FAF1: variants seen among roughly 807,000 people sequenced by gnomAD.
FAF1 encodes Fas associated factor 1, also known as FAS-associated factor 1.
In FAF1, 25 loss-of-function variants were observed where a neutral mutation model predicts 92.5. The ratio of observed to expected loss-of-function variants is 0.27; its 90% confidence interval spans 0.20 to 0.38. The LOEUF (loss-of-function observed/expected upper bound fraction) is 0.38, where lower values mean the gene tolerates loss of function less well. Ranked by LOEUF, FAF1 falls within the 10% of genes least tolerant of loss-of-function variation. The probability of loss-of-function intolerance (pLI) is 1.00; values close to 1 mark genes in which losing one functional copy is unlikely to be tolerated. For missense variants in FAF1, 636 were observed against 793.3 expected (o/e 0.80, Z 2.38); for synonymous variants, 234 against 273.2 (o/e 0.86, Z 1.42).
chr1:50,864,831 T>C (rs1057180241), intron 1 of FAF1, among the ~76,000 whole-genome samples: 10 of 152,022 alleles, frequency 6.6e-5, no homozygotes, highest in Admixed American at 1.3e-4. Flanking sequence ...AAAGCCAAAA[T>C]TGACAAATGG....
At chr1:50,888,792 T>G (rs539738418) in intron 1 of FAF1, among the ~76,000 whole-genome samples, 1 of 152,188 alleles carries the variant, frequency 6.6e-6, no homozygotes, top group African/African-American at 2.4e-5. Context: ...ATTTTTGCAT[T>G]GATGTTCATC....
At chr1:50,868,409 A>G (rs1207799178) in intron 1 of FAF1, among the ~76,000 whole-genome samples, 1 of 152,100 alleles carries the variant, frequency 6.6e-6, no homozygotes, top group Non-Finnish European at 1.5e-5. Context: ...TTTTTATTTC[A>G]CTCATTTCTG....
chr1:50,952,196 G>C (rs1490906565), intron 1 of FAF1, among the ~76,000 whole-genome samples: 3 of 152,154 alleles, frequency 2.0e-5, no homozygotes, highest in African/African-American at 4.8e-5. Context: ...TCGGCTCACT[G>C]CAACCTCCCT....
rs369356394 is a variant in FAF1 at position 50,522,101 on chromosome 1, C to T, written c.1494+13268G>A. Among the ~76,000 whole-genome samples the T allele has an allele frequency of 2.5e-4, 38 of 152,206 alleles. No individual in the cohort carries two copies. In the South Asian group the frequency reaches 4.8e-3, roughly 19 times the overall value. On this transcript the variant is annotated intron_variant, in intron 15 of 18. Transcript: ENST00000396153. ...TATTCCATGCACAAAAGTAGAAGTA[C>T]GCAATTAAGAGAAACTTTCTTATTC...
intron 8 of FAF1, among the ~76,000 whole-genome samples, chr1:50,636,646 G>T (rs535471040): frequency 2.0e-5 from 3 of 151,906 alleles, no homozygotes; most frequent in African/African-American, 7.3e-5. Flanking sequence ...GTGAGCCACC[G>T]CGCCTGGCCT....
intron 18 of FAF1, among the ~76,000 whole-genome samples, chr1:50,442,152 G>A (rs578218699): frequency 6.6e-6 from 1 of 152,240 alleles, no homozygotes; most frequent in South Asian, 2.1e-4. Context: ...TCTTGGCTGA[G>A]TGGGATACGT....
chr1:50,731,590 G>A (rs771479038), intron 6 of FAF1, among the ~76,000 whole-genome samples: 6 of 151,924 alleles, frequency 3.9e-5, no homozygotes, highest in East Asian at 2.0e-4. Context: ...GGATGGTCTC[G>A]ATCTCCTGAC....
At chr1:50,955,017 G>A (rs757183956) in intron 1 of FAF1, among the ~76,000 whole-genome samples, 17 of 152,128 alleles carry the variant, frequency 1.1e-4, no homozygotes, top group South Asian at 2.1e-4. Context: ...AAAGAAAGAG[G>A]TTAAGGAGGA....
chr1:50,543,836 T>C (rs1648872270), intron 13 of FAF1, among the ~76,000 whole-genome samples: 1 of 152,172 alleles, frequency 6.6e-6, no homozygotes, highest in African/African-American at 2.4e-5. Flanking sequence ...GATGCTGCAT[T>C]TGTACAATAC....
chr1:50,588,376 T>C (rs1046068887), intron 9 of FAF1, among the ~76,000 whole-genome samples: 2 of 152,232 alleles, frequency 1.3e-5, no homozygotes, highest in Admixed American at 6.5e-5. Flanking sequence ...CTAGAGTTTA[T>C]TGGTTCCTTT....
intron 8 of FAF1, among the ~76,000 whole-genome samples, chr1:50,598,111 T>A (rs1651915732): frequency 6.6e-6 from 1 of 152,046 alleles, no homozygotes; most frequent in South Asian, 2.1e-4. Context: ...TTGGGCAACA[T>A]AGTGAGATCT....
At chr1:50,795,492 C>T (rs1661716278) in intron 3 of FAF1, among the ~76,000 whole-genome samples, 1 of 152,164 alleles carries the variant, frequency 6.6e-6, no homozygotes, top group Non-Finnish European at 1.5e-5. Context: ...CTTGGCAGAA[C>T]AACAGAATGA....
intron 8 of FAF1, among the ~76,000 whole-genome samples, chr1:50,643,377 T>C (rs887983944): frequency 2.0e-5 from 3 of 152,108 alleles, no homozygotes; most frequent in Admixed American, 6.5e-5. Flanking sequence ...TACTTCTACA[T>C]GTTAAAAATT....
chr1:50,713,155 C>CAAAAAAAAAAAAAAAAAAAAAAAA (rs371395514), intron 6 of FAF1, among the ~76,000 whole-genome samples: 1 of 46,532 alleles, frequency 2.1e-5, no homozygotes, highest in Non-Finnish European at 4.2e-5. Context: ...GCCAGACCCT[C>CAAAAAAAAAAAAAAAAAAAAAAAA]AAAAAAAAAA....
chr1:50,786,277 TAAG>T (rs1018417091), intron 4 of FAF1, among the ~76,000 whole-genome samples: 4 of 152,248 alleles, frequency 2.6e-5, no homozygotes, highest in East Asian at 1.9e-4. Flanking sequence ...ATTCAGTTTT[TAAG>T]AAGAAGAAAA....
chr1:50,820,248 T>C (rs1644031579), intron 2 of FAF1, among the ~76,000 whole-genome samples: 1 of 152,154 alleles, frequency 6.6e-6, no homozygotes, highest in Non-Finnish European at 1.5e-5. Context: ...ATGTCAAGTA[T>C]TCGTATTCTG....
At chr1:50,879,839 A>G (rs945003658) in intron 1 of FAF1, among the ~76,000 whole-genome samples, 2 of 152,202 alleles carry the variant, frequency 1.3e-5, no homozygotes, top group Non-Finnish European at 2.9e-5. Context: ...GATGCAAGCT[A>G]AAGTTTAAGA....
intron 2 of FAF1, among the ~76,000 whole-genome samples, chr1:50,810,270 T>TA (rs1265205898): frequency 5.3e-5 from 8 of 151,540 alleles, no homozygotes; most frequent in Non-Finnish European, 5.9e-5. Context: ...CTAAAAAAAT[T>TA]AAAAAAAATA....
intron 2 of FAF1, among the ~76,000 whole-genome samples, chr1:50,823,410 C>T (rs1402719424): frequency 6.6e-6 from 1 of 152,142 alleles, no homozygotes; most frequent in African/African-American, 2.4e-5. Context: ...GAAGGAATAA[C>T]ATAAGCACAT....
Sources: allele counts gnomAD v4.1 joint callset (sites outside exome capture counted in the v4.1 genomes callset), GRCh38; gene constraint gnomAD v4.1.1; transcripts MANE v1.5; gene names NCBI Gene and HGNC (gene_info 2026-07-23, HGNC 2026-07-21).